The following PIWIL3 variants were observed in gnomAD, a reference collection of about 807,000 sequenced individuals.
PIWIL3 encodes the protein piwi-like protein 3.
Under a neutral mutation model 109.7 loss-of-function variants are expected in PIWIL3, and 101 were observed. The observed-to-expected ratio is 0.92, with a 90% CI of 0.78 to 1.09. PIWIL3 has a LOEUF of 1.09. PIWIL3 is among the 50% of genes least tolerant of loss of function. The probability of loss-of-function intolerance (pLI) is 0.00; values close to 1 mark genes in which losing one functional copy is unlikely to be tolerated. For synonymous variants in PIWIL3, 373 were observed against 376.4 expected, an observed-to-expected ratio of 0.99 and a Z score of 0.10; for missense variants, 1,031 against 1,072.6, an observed-to-expected ratio of 0.96 and a Z score of 0.54.
chr22:24,743,457 G>T (rs1306859256), intron 12 of PIWIL3, among the ~76,000 whole-genome samples: 1 of 152,218 alleles, frequency 6.6e-6, no homozygotes, highest in African/African-American at 2.4e-5. Flanking sequence ...TTCAGTCAAT[G>T]AGTAGATAAA....
At chr22:24,727,580 G>C (rs1280698590) in intron 16 of PIWIL3, among the ~76,000 whole-genome samples, 1 of 152,208 alleles carries the variant, frequency 6.6e-6, no homozygotes, top group Non-Finnish European at 1.5e-5. Flanking sequence ...AGCTTGGAAG[G>C]GGAGTGCTAT....
chr22:24,754,077 G>C lies in PIWIL3; in HGVS notation c.914C>G (p.Ala305Gly). ...TTCCTCTCGGATGTTTCCTGTCTGGGCCTGGGCAGATGTTCTCTTTATGAA... is the reference window on the plus strand; with the variant it reads ...TTCCTCTCGGATGTTTCCTGTCTGGCCCTGGGCAGATGTTCTCTTTATGAA... ...YDFIKRTSAQ[A>G]QTGNIREEVT... The change falls in exon 8 of 21, where the codon GCC becomes GGC. Residue 305 changes from alanine (A) to glycine (G), a missense_variant. Physicochemically the swap from Ala to Gly is moderately conservative, Grantham distance 60. Transcript: ENST00000616349. 1.2e-6 allele frequency: 2 copies of C among 1,612,912 alleles called. No homozygotes were observed. Among genetic ancestry groups the C allele is most frequent in the Non-Finnish European group, 1.7e-6 (2 of 1,178,906 alleles).
At chr22:24,729,485 G>A (rs1337667135) in intron 14 of PIWIL3, among the ~76,000 whole-genome samples, 1 of 152,176 alleles carries the variant, frequency 6.6e-6, no homozygotes, top group Admixed American at 6.5e-5. Context: ...TTTTACTGCT[G>A]AGTAAGCAAA....
chr22:24,721,408 C>T (rs570341631), intron 19 of PIWIL3, among the ~76,000 whole-genome samples: 2 of 152,240 alleles, frequency 1.3e-5, no homozygotes, highest in South Asian at 4.1e-4. Context: ...ATTCTTCAGT[C>T]TTAGGATTCA....
At chr22:24,762,729 A>G (rs1244362567) in intron 1 of PIWIL3, among the ~76,000 whole-genome samples, 1 of 152,200 alleles carries the variant, frequency 6.6e-6, no homozygotes, top group Non-Finnish European at 1.5e-5. Context: ...AGAAAAAGCA[A>G]AAGTGGGGGA....
intron 4 of PIWIL3, among the ~76,000 whole-genome samples, chr22:24,757,551 C>G (rs932256882): frequency 2.2e-5 from 3 of 139,510 alleles, no homozygotes; most frequent in African/African-American, 8.7e-5. Flanking sequence ...TTTGGAAGGC[C>G]CAGGTGTAAG....
Position 24,719,764 on chromosome 22 carries a change from A to T in PIWIL3, c.2489T>A (p.Met830Lys). ...VQRLTYCLCH[M>K]YYNLPGIIRV... ...AGTACTTACTGGCAAATTATAATAC[A>T]TGTGGCATAGACAATATGTTAAACG... The change falls in exon 20 of 21, where the codon ATG (methionine) becomes AAG (lysine). Residue 830 changes from methionine to lysine, a missense_variant. Transcript: ENST00000616349. 1 of 1,611,946 alleles carries T rather than the reference A, an allele frequency of 6.2e-7. No homozygotes were observed. Among genetic ancestry groups the T allele is most frequent in the Non-Finnish European group, 8.5e-7 (1 of 1,178,662 alleles).
At chr22:24,734,061 AC>A in intron 14 of PIWIL3, 22 bp downstream of exon 14, 2 of 1,594,584 alleles carry the variant, frequency 1.3e-6, no homozygotes, top group Non-Finnish European at 1.7e-6. Context: ...AAAAGATTGT[AC>A]ATGTATCAAC....
chr22:24,763,447 C>G (rs1925573892), intron 1 of PIWIL3, among the ~76,000 whole-genome samples: 1 of 152,032 alleles, frequency 6.6e-6, no homozygotes. Flanking sequence ...ATTACAGGCT[C>G]GTGCCACCAC....
At chr22:24,772,652 A>G (rs1926192848) in intron 1 of PIWIL3, among the ~76,000 whole-genome samples, 1 of 152,216 alleles carries the variant, frequency 6.6e-6, no homozygotes, top group African/African-American at 2.4e-5. Flanking sequence ...CCACTGGGAA[A>G]TCCGAACGGC....
chr22:24,754,475 G>T (rs953148295), intron 7 of PIWIL3, among the ~76,000 whole-genome samples: 1 of 137,988 alleles, frequency 7.2e-6, no homozygotes, highest in African/African-American at 2.5e-5. Context: ...ACATATACCA[G>T]TGAGTAATAT....
At position 24,748,924 on chromosome 22, in the gene PIWIL3, C is replaced by G. The variant is rs774452690; in HGVS notation, c.1432G>C (p.Val478Leu). ...PGRVLKNANI[V>L]QGRRMVKANS... ...TGTCTTACCATTCTTCTGCCTTGCA[C>G]GATGTTTGCGTTTTTCAAAACTCTT... Residue 478 changes from valine to leucine, a missense_variant, in exon 12 of 21, where the codon GTG becomes CTG. Coordinates refer to ENST00000616349, the MANE Select transcript of PIWIL3 (RefSeq NM_001255975.1). The G allele has an allele frequency of 6.2e-7, 1 of 1,611,624 alleles. No individual in the cohort carries two copies. The highest frequency in any genetic ancestry group is 1.7e-5 in the Admixed American group (1 of 59,574).
At chr22:24,749,637 C>T in intron 10 of PIWIL3, 56 bp downstream of exon 10, 1 of 1,612,874 alleles carries the variant, frequency 6.2e-7, no homozygotes, top group Non-Finnish European at 8.5e-7. Flanking sequence ...CCTGAAAAGC[C>T]TGCGTTAAGT....
chr22:24,758,886 C>T (rs1010968512), intron 3 of PIWIL3, among the ~76,000 whole-genome samples: 2 of 152,010 alleles, frequency 1.3e-5, no homozygotes, highest in African/African-American at 2.4e-5. Context: ...CCTTGGCACT[C>T]GCTACAAACC....
At position 24,735,815 on chromosome 22, in the gene PIWIL3, A is replaced by C; in HGVS notation, c.1527T>G (p.Ser509Arg). The change falls in exon 13 of 21, where the codon AGT becomes AGG. Residue 509 changes from serine to arginine, a missense_variant. Ser to Arg is a moderately radical substitution (Grantham distance 110). Transcript: ENST00000616349. ...LPLLNAMPLH[S>R]WLILYSRSSH... ...TGCTCCTGCTATAGAGTATGAGCCA[A>C]CTATGTAGTGGCATTGCATTAAGTA... 5 of 1,613,208 alleles carry C rather than the reference A, an allele frequency of 3.1e-6. No individual in the cohort carries two copies. Among genetic ancestry groups the C allele is most frequent in the Non-Finnish European group, 4.2e-6 (5 of 1,179,156 alleles).
At chr22:24,764,762 C>A (rs1265659307) in intron 1 of PIWIL3, among the ~76,000 whole-genome samples, 2 of 151,932 alleles carry the variant, frequency 1.3e-5, no homozygotes, top group African/African-American at 4.8e-5. Context: ...AAGAAATCCT[C>A]CCACTTCCGG....
At chr22:24,762,230 T>A in intron 2 of PIWIL3, 168 bp downstream of exon 2, 1 of 1,236,674 alleles carries the variant, frequency 8.1e-7, no homozygotes, top group Non-Finnish European at 1.1e-6. Context: ...TCTGAGTAGA[T>A]AAAGCCTCCC....
chr22:24,751,569 C>A, intron 8 of PIWIL3, 71 bp from the exon 9 acceptor site: 1 of 1,558,530 alleles, frequency 6.4e-7, no homozygotes, highest in Non-Finnish European at 8.6e-7. Context: ...AGAAAATAGA[C>A]ATTTTTAATC....
intron 4 of PIWIL3, among the ~76,000 whole-genome samples, chr22:24,757,637 C>CACACACACACACACAT (rs371066474): frequency 3.9e-4 from 48 of 122,722 alleles, no homozygotes; most frequent in African/African-American, 1.3e-3. Flanking sequence ...CACACACACA[C>CACACACACACACACAT]ATATATAAAA....
Sources: gnomAD v4.1 joint callset for allele counts (sites outside exome capture counted in the v4.1 genomes callset) on GRCh38, gnomAD v4.1.1 for gene constraint, MANE v1.5 for transcripts, NCBI Gene and HGNC (gene_info 2026-07-23, HGNC 2026-07-21) for gene names.